Variants in CFAP68 observed in about 807,000 individuals in gnomAD.
The protein encoded by CFAP68 is cilia and flagella associated protein 68.
the CFAP68 span, among the ~76,000 whole-genome samples, chr11:111,882,129 C>T: frequency 1.3e-5 from 2 of 152,104 alleles, no homozygotes; most frequent in Non-Finnish European, 1.5e-5. Context: ...TGTCTCTTCA[C>T]GGGGCCTGGG....
chr11:111,880,693 A>T, the CFAP68 span: 1 of 448,826 alleles, frequency 2.2e-6, no homozygotes, highest in African/African-American at 2.0e-5. Context: ...GTTGCTCTGC[A>T]TATGGAGTAG....
chr11:111,884,076 A>G, the CFAP68 span: 1 of 480,116 alleles, frequency 2.1e-6, no homozygotes, highest in East Asian at 3.5e-5. Context: ...CACAGTAAAT[A>G]TTCTTTATCC....
chr11:111,879,785 G>A, the CFAP68 span, among the ~76,000 whole-genome samples: 3 of 152,194 alleles, frequency 2.0e-5, no homozygotes, highest in Non-Finnish European at 4.4e-5. Context: ...ATATGGCAGG[G>A]TGTGTGCTCT....
the CFAP68 span, chr11:111,882,490 A>C: frequency 6.2e-7 from 1 of 1,614,182 alleles, no homozygotes; most frequent in South Asian, 1.1e-5. Context: ...ATGGATGGCG[A>C]TGCACCACTA....
At chr11:111,881,524 T>TG in the CFAP68 span, 1 of 1,536,074 alleles carries the variant, frequency 6.5e-7, no homozygotes, top group Non-Finnish European at 8.7e-7. Flanking sequence ...TTAAAGAACA[T>TG]GGAACAGCCA....
chr11:111,881,117 G>A, the CFAP68 span: 3 of 932,862 alleles, frequency 3.2e-6, no homozygotes, highest in Non-Finnish European at 4.1e-6. Context: ...AAGACTTAGT[G>A]ACTGGATGAA....
At chr11:111,883,593 A>C in the CFAP68 span, among the ~76,000 whole-genome samples, 37 of 145,440 alleles carry the variant, frequency 2.5e-4, no homozygotes, top group Non-Finnish European at 4.4e-4. Flanking sequence ...ACTCTATCTC[A>C]AAAAAAAAAA....
At chr11:111,882,366 A>G in the CFAP68 span, 9 of 1,611,492 alleles carry the variant, frequency 5.6e-6, no homozygotes, top group South Asian at 1.1e-5. Context: ...GTCTTTTCCC[A>G]GAGACAGAAC....
At chr11:111,881,363 T>C in the CFAP68 span, 1 of 1,483,792 alleles carries the variant, frequency 6.7e-7, no homozygotes, top group South Asian at 1.3e-5. Context: ...TTACCTGGGA[T>C]GTCATCCTTC....
chr11:111,881,735 T>C, the CFAP68 span: 2 of 1,208,260 alleles, frequency 1.7e-6, no homozygotes, highest in Non-Finnish European at 2.2e-6. Flanking sequence ...GCAATCCAGA[T>C]TGATTGGGAG....
At chr11:111,880,592 T>C in the CFAP68 span, among the ~76,000 whole-genome samples, 4 of 152,242 alleles carry the variant, frequency 2.6e-5, no homozygotes, top group African/African-American at 4.8e-5. Context: ...AGTTACCGTA[T>C]ATGGTCTAAA....
At chr11:111,885,175 G>GA in the CFAP68 span, 11 of 143,928 alleles carry the variant, frequency 7.6e-5, no homozygotes, top group South Asian at 9.0e-4. Flanking sequence ...AAAAGAAAAA[G>GA]AAAAAAAAAA....
At chr11:111,883,756 T>C in the CFAP68 span, 90 of 1,566,276 alleles carry the variant, frequency 5.7e-5, no homozygotes, top group African/African-American at 8.5e-4. Flanking sequence ...CCTTCCTTTT[T>C]TTTTCTTCCC....
chr11:111,885,644 T>G, the CFAP68 span: 1 of 152,218 alleles, frequency 6.6e-6, no homozygotes, highest in Non-Finnish European at 1.5e-5. Flanking sequence ...AGTCTTAATT[T>G]TAATATGGTT....
the CFAP68 span, chr11:111,882,406 T>A: frequency 6.2e-7 from 1 of 1,614,226 alleles, no homozygotes. Flanking sequence ...ACCCACACTG[T>A]GGCAGCCTTG....
At chr11:111,883,764 C>G in the CFAP68 span, 1 of 1,575,668 alleles carries the variant, frequency 6.3e-7, no homozygotes, top group South Asian at 1.1e-5. Context: ...TTTTTTTCTT[C>G]CCTCAGGATT....
At chr11:111,881,461 G>T in the CFAP68 span, 3 of 1,535,896 alleles carry the variant, frequency 2.0e-6, no homozygotes, top group Non-Finnish European at 2.6e-6. Context: ...ATGGTAATCT[G>T]GGTGATTCTT....
At chr11:111,879,554 G>T in the CFAP68 span, 1 of 1,614,066 alleles carries the variant, frequency 6.2e-7, no homozygotes, top group South Asian at 1.1e-5. Flanking sequence ...TTTTCACCTC[G>T]TCTGAAATGG....
At chr11:111,880,617 A>G in the CFAP68 span, 1 of 324,102 alleles carries the variant, frequency 3.1e-6, no homozygotes, top group Non-Finnish European at 6.2e-6. Context: ...GGAGGTATGA[A>G]TTAATCCACC....
Sources: gnomAD v4.1 joint callset for allele counts (sites outside exome capture counted in the v4.1 genomes callset) on GRCh38, gnomAD v4.1.1 for gene constraint, MANE v1.5 for transcripts, NCBI Gene and HGNC (gene_info 2026-07-23, HGNC 2026-07-21) for gene names.